NDUFS1: variants seen among roughly 807,000 people sequenced by gnomAD.
The protein encoded by NDUFS1 is NADH-ubiquinone oxidoreductase 75 kDa subunit, mitochondrial.
A neutral mutation model predicts 84.4 loss-of-function variants in NDUFS1; 61 were observed. That is an observed-to-expected ratio of 0.72 (90% CI 0.59 to 0.89). The LOEUF (loss-of-function observed/expected upper bound fraction) is 0.89, where lower values mean the gene tolerates loss of function less well. NDUFS1 is among the 40% of genes least tolerant of loss of function. The pLI is 0.00. For synonymous variants in NDUFS1, 275 were observed against 290.0 expected (o/e 0.95, Z 0.53); for missense variants, 891 against 890.0 (o/e 1.00, Z -0.01).
At chr2:206,155,113 AT>A (rs1687596818) in intron 1 of NDUFS1, among the ~76,000 whole-genome samples, 1 of 149,878 alleles carries the variant, frequency 6.7e-6, no homozygotes, top group Non-Finnish European at 1.5e-5. Context: ...TATTTTTATT[AT>A]TTATTTATTT....
intron 8 of NDUFS1, among the ~76,000 whole-genome samples, chr2:206,145,564 G>A (rs1692124486): frequency 6.6e-6 from 1 of 152,108 alleles, no homozygotes; most frequent in Non-Finnish European, 1.5e-5. Context: ...TTCTGTCTAT[G>A]GGAGATTAAG....
In NDUFS1 at chr2:206,118,655, T is replaced by C. The variant is rs1164465821; in HGVS notation, c.*5530A>G. 6.6e-6 allele frequency: 1 copy of C among 151,770 alleles called. No individual in the cohort carries two copies. Among genetic ancestry groups the C allele is most frequent in the Non-Finnish European group, 1.5e-5 (1 of 67,994 alleles). The allele number at this position is 151,770 out of a possible 1,614,324, so 9.4% of individuals were successfully genotyped here. A position where few individuals can be genotyped will look rare whatever the true frequency, so the allele number is the denominator to read the frequency against. ...GGGAATTCTGACATCTTCATCTTTT[T>C]ATAAAAGATGGCCAGGCTGGGTGCG... On this transcript the variant is annotated 3_prime_UTR_variant, in exon 19 of 19. Coordinates refer to ENST00000233190, the MANE Select transcript of NDUFS1 (RefSeq NM_005006.7).
At position 206,147,437 on chromosome 2, in the gene NDUFS1, A is replaced by C. The variant is rs980115501; in HGVS notation, c.551+94T>G. On this transcript the variant is annotated intron_variant, in intron 7 of 18. Coordinates refer to ENST00000233190, the MANE Select transcript of NDUFS1 (RefSeq NM_005006.7). Reference sequence around the variant, plus strand: ...CATCCCTCTTCTCCCACCCAAAAAAAGTAGCCATTCTTTCCAATGTTATTA... The same window carrying C: ...CATCCCTCTTCTCCCACCCAAAAAACGTAGCCATTCTTTCCAATGTTATTA... 2.3e-6 allele frequency: 3 copies of C among 1,290,378 alleles called. No homozygotes were observed. The African/African-American group carries it at 4.6e-5, about 20-fold the overall frequency. The allele number at this position is 1,290,378 out of a possible 1,614,324, so 79.9% of individuals were successfully genotyped here. A position where few individuals can be genotyped will look rare whatever the true frequency, so the allele number is the denominator to read the frequency against.
At chr2:206,132,837 A>G in intron 14 of NDUFS1, 108 bp downstream of exon 14, 1 of 966,008 alleles carries the variant, frequency 1.0e-6, no homozygotes, top group East Asian at 2.6e-5. Flanking sequence ...AACTGGGATA[A>G]TGTTGCTAAA....
In NDUFS1 at chr2:206,130,949, T is replaced by C. The variant is rs1449771126; in HGVS notation, c.1554-707A>G. Among the ~76,000 whole-genome samples, 11 of 152,330 alleles carry C rather than the reference T, an allele frequency of 7.2e-5. No individual in the cohort carries two copies. The East Asian group carries it at 1.5e-3, about 21-fold the overall frequency. ...AGAAATTGAAAACCACTCATTAAAC[T>C]GTAATTCAGCAAAAACCATAATGAG... On this transcript the variant is annotated intron_variant, in intron 14 of 18. Transcript: ENST00000233190.
intron 8 of NDUFS1, 152 bp from the exon 9 acceptor site, chr2:206,145,178 A>C: frequency 5.5e-6 from 4 of 724,588 alleles, no homozygotes; most frequent in Non-Finnish European, 6.4e-6. Context: ...AAATAAAAGA[A>C]CCCCCCACCT....
chr2:206,135,646 A>T (rs927283338), intron 13 of NDUFS1, among the ~76,000 whole-genome samples: 5 of 151,870 alleles, frequency 3.3e-5, no homozygotes, highest in Non-Finnish European at 7.4e-5. Context: ...ACTGCACTCC[A>T]GCCTGGGGAC....
intron 3 of NDUFS1, 149 bp downstream of exon 3, chr2:206,152,270 C>T (rs1262799781): frequency 1.5e-6 from 1 of 674,190 alleles, no homozygotes; most frequent in African/African-American, 1.8e-5. Context: ...TTTGAAGTGC[C>T]AAGATTTAAA....
At chr2:206,142,369 C>T (rs932220873) in intron 11 of NDUFS1, among the ~76,000 whole-genome samples, 5 of 152,134 alleles carry the variant, frequency 3.3e-5, no homozygotes, top group African/African-American at 2.4e-5. Flanking sequence ...CACACCACCA[C>T]GTCTGGCTAA....
intron 1 of NDUFS1, among the ~76,000 whole-genome samples, chr2:206,156,918 A>C (rs1290253057): frequency 6.6e-6 from 1 of 152,242 alleles, no homozygotes; most frequent in Non-Finnish European, 1.5e-5. Context: ...ATGCCAGTTA[A>C]AGCTGAATTC....
intron 13 of NDUFS1, among the ~76,000 whole-genome samples, chr2:206,135,253 T>A (rs1038614857): frequency 1.3e-5 from 2 of 152,258 alleles, no homozygotes; most frequent in Non-Finnish European, 1.5e-5. Context: ...GTCTTGCTCC[T>A]GACCTCAGGT....
chr2:206,138,956 A>G (rs1691829127), intron 12 of NDUFS1, among the ~76,000 whole-genome samples: 1 of 151,956 alleles, frequency 6.6e-6, no homozygotes, highest in African/African-American at 2.4e-5. Context: ...ATCTCTTCTA[A>G]AAATACAGTA....
intron 1 of NDUFS1, among the ~76,000 whole-genome samples, chr2:206,157,387 T>G (rs529538960): frequency 1.2e-4 from 19 of 152,318 alleles, no homozygotes; most frequent in Non-Finnish European, 1.5e-4. Flanking sequence ...GTAAGCTCCT[T>G]GAGGACAAGG....
rs551771631 is a variant in NDUFS1, at chr2:206,120,575, G to C, written c.*3610C>G. The C allele has an allele frequency of 6.6e-6, 1 of 152,368 alleles. No homozygotes were observed. The highest frequency in any genetic ancestry group is 6.5e-5 in the Admixed American group (1 of 15,280). 9.4% of individuals were successfully genotyped at this position (152,368 alleles called of 1,614,324 possible). A position where few individuals can be genotyped will look rare whatever the true frequency, so the allele number is the denominator to read the frequency against. On this transcript the variant is annotated 3_prime_UTR_variant, in exon 19 of 19. Transcript: ENST00000233190. ...AGGCCCTAGGAATCTGTGGAAGTTT[G>C]AACTTAAGAGTGATGACTTAGGGTA... is the stretch of plus-strand genomic sequence containing the variant.
intron 14 of NDUFS1, 89 bp downstream of exon 14, chr2:206,132,856 G>A (rs1691565181): frequency 8.2e-7 from 1 of 1,213,348 alleles, no homozygotes; most frequent in Admixed American, 1.9e-5. Flanking sequence ...AATGTTGTTT[G>A]TAAATTAAAT....
rs1287822878 is a variant in NDUFS1, at chr2:206,121,988, G to C, written c.*2197C>G. 6.6e-6 allele frequency: 1 copy of C among 152,170 alleles called. No individual in the cohort carries two copies. The highest frequency in any genetic ancestry group is 1.5e-5 in the Non-Finnish European group (1 of 68,034). The allele number at this position is 152,170 out of a possible 1,614,324, so 9.4% of individuals were successfully genotyped here. ...CTAAGAGGTAAGAGATGGGAAGTTT[G>C]TATTAAGTTCAAACACTTTTGGCAA... is the stretch of plus-strand genomic sequence containing the variant. On this transcript the variant is annotated 3_prime_UTR_variant, in exon 19 of 19. Transcript: ENST00000233190.
chr2:206,125,157 TC>T (rs1691242081), intron 18 of NDUFS1, among the ~76,000 whole-genome samples: 2 of 151,988 alleles, frequency 1.3e-5, no homozygotes, highest in African/African-American at 4.8e-5. Context: ...AATCTCACCT[TC>T]TGTTTCACTA....
In NDUFS1 at chr2:206,138,541, C is replaced by T; in HGVS notation, c.1336G>A (p.Gly446Arg). 6.2e-7 allele frequency: 1 copy of T among 1,613,966 alleles called. No homozygotes were observed. The highest frequency in any genetic ancestry group is 8.5e-7 in the Non-Finnish European group (1 of 1,179,924). ...VDLTYTYDHL[G>R]DSPKILQDIA... ...TCTTGAAGAATTTTGGGGGAGTCTCCCAGGTGGTCATATGTGTAAGTGAGG... is the reference window on the plus strand; with the variant it reads ...TCTTGAAGAATTTTGGGGGAGTCTCTCAGGTGGTCATATGTGTAAGTGAGG... Residue 446 changes from glycine (G) to arginine (R), a missense_variant, in exon 13 of 19, where the codon GGA becomes AGA. Physicochemically the swap from Gly to Arg is moderately radical, Grantham distance 125 (BLOSUM62 -2). Coordinates refer to ENST00000233190, the MANE Select transcript of NDUFS1 (RefSeq NM_005006.7).
Position 206,124,003 on chromosome 2 carries a change from T to C in NDUFS1, c.*182A>G, listed in dbSNP as rs750677493. 27 of 587,608 alleles carry C rather than the reference T, an allele frequency of 4.6e-5. No homozygotes were observed. The highest frequency in any genetic ancestry group is 7.5e-5 in the Non-Finnish European group (25 of 333,240). The allele number at this position is 587,608 out of a possible 1,614,324, so 36.4% of individuals were successfully genotyped here. On this transcript the variant is annotated 3_prime_UTR_variant, in exon 19 of 19. Coordinates refer to ENST00000233190, the MANE Select transcript of NDUFS1 (RefSeq NM_005006.7). ...TTATTTAACCTTTACACACAATACA[T>C]GTTTTTCAAACTGCAAAGTTGATAA...
Sources: allele counts gnomAD v4.1 joint callset (sites outside exome capture counted in the v4.1 genomes callset), GRCh38; gene constraint gnomAD v4.1.1; transcripts MANE v1.5; gene names NCBI Gene and HGNC (gene_info 2026-07-23, HGNC 2026-07-21).